The following CTDSPL2 variants were observed in gnomAD, a reference collection of about 807,000 sequenced individuals.
CTDSPL2 encodes the protein CTD small phosphatase-like protein 2.
Under a neutral mutation model 60.0 loss-of-function variants are expected in CTDSPL2, and 5 were observed. That is an observed-to-expected ratio of 0.08 (90% CI 0.04 to 0.18). The LOEUF is 0.18. Among genes scored for constraint, CTDSPL2 ranks in the 10% least tolerant of loss-of-function variants. The probability of loss-of-function intolerance (pLI) is 1.00; values close to 1 mark genes in which losing one functional copy is unlikely to be tolerated. For missense variants in CTDSPL2, 370 were observed against 548.8 expected, an observed-to-expected ratio of 0.67 and a Z score of 3.26; for synonymous variants, 186 against 189.3, an observed-to-expected ratio of 0.98 and a Z score of 0.14.
intron 1 of CTDSPL2, among the ~76,000 whole-genome samples, chr15:44,443,994 C>T (rs1052094582): frequency 1.3e-5 from 2 of 151,956 alleles, no homozygotes; most frequent in African/African-American, 2.4e-5. Flanking sequence ...TCTTGAACTC[C>T]TGAGTTCAAG....
chr15:44,518,368 AC>A (rs2081696375), intron 10 of CTDSPL2, among the ~76,000 whole-genome samples: 1 of 152,180 alleles, frequency 6.6e-6, no homozygotes, highest in Admixed American at 6.5e-5. Context: ...GTATTGTAAA[AC>A]CTTTAATAGC....
intron 2 of CTDSPL2, among the ~76,000 whole-genome samples, chr15:44,461,807 C>T (rs1377048076): frequency 6.6e-6 from 1 of 152,048 alleles, no homozygotes; most frequent in Non-Finnish European, 1.5e-5. Context: ...GGAAGTAGAG[C>T]ATCATAAAGG....
At chr15:44,448,831 G>A in intron 1 of CTDSPL2, 1 of 358,184 alleles carries the variant, frequency 2.8e-6, no homozygotes, top group South Asian at 2.3e-5. Context: ...CTTTGGTAAG[G>A]CGGTCTCATC....
At chr15:44,495,807 G>A (rs904265776) in intron 5 of CTDSPL2, among the ~76,000 whole-genome samples, 4 of 151,968 alleles carry the variant, frequency 2.6e-5, no homozygotes, top group African/African-American at 9.7e-5. Context: ...GGTGGCACGT[G>A]TCTAATCCCA....
intron 1 of CTDSPL2, among the ~76,000 whole-genome samples, chr15:44,444,813 C>CTGG (rs2080171391): frequency 1.5e-5 from 2 of 135,074 alleles, no homozygotes; most frequent in South Asian, 4.7e-4. Flanking sequence ...ACAGATAGGC[C>CTGG]TGGTGTTGAG....
intron 8 of CTDSPL2, among the ~76,000 whole-genome samples, chr15:44,505,735 CAAAAAAAAAA>C (rs34005065): frequency 2.7e-5 from 2 of 73,944 alleles, no homozygotes; most frequent in African/African-American, 1.0e-4. Context: ...CTCTGTCTCC[CAAAAAAAAAA>C]AAAAAGAAAA....
chr15:44,459,468 T>C (rs570383774), intron 2 of CTDSPL2, among the ~76,000 whole-genome samples: 3 of 152,106 alleles, frequency 2.0e-5, no homozygotes, highest in East Asian at 3.9e-4. Flanking sequence ...GCGGAGCCTG[T>C]AGTGAGCCGA....
In CTDSPL2 at chr15:44,521,660, C is replaced by T. The variant is rs372047163; in HGVS notation, c.1335+254C>T. Reference sequence around the variant, plus strand: ...AGCTCTTTAAAACATAATGATGGGCCGGGCGCGGTGGCTCACGCCTGTAAT... The same window carrying T: ...AGCTCTTTAAAACATAATGATGGGCTGGGCGCGGTGGCTCACGCCTGTAAT... On this transcript the variant is annotated intron_variant, in intron 12 of 12. Coordinates refer to ENST00000260327, the MANE Select transcript of CTDSPL2 (RefSeq NM_016396.3). Among the ~76,000 whole-genome samples the T allele has an allele frequency of 4.3e-4, 65 of 152,022 alleles. 1 individual carries two copies. In the East Asian group the frequency reaches 8.9e-3, roughly 21 times the overall value.
At chr15:44,493,888 G>C (rs1400576491) in intron 5 of CTDSPL2, among the ~76,000 whole-genome samples, 1 of 151,712 alleles carries the variant, frequency 6.6e-6, no homozygotes, top group Non-Finnish European at 1.5e-5. Context: ...TTTTTGTGCT[G>C]ATTATTGGAA....
intron 1 of CTDSPL2, among the ~76,000 whole-genome samples, chr15:44,443,812 T>A (rs1236258734): frequency 6.6e-6 from 1 of 152,214 alleles, no homozygotes; most frequent in Non-Finnish European, 1.5e-5. Context: ...GATAAGAACT[T>A]CTTAAGAGAC....
rs866712478 is a variant in CTDSPL2, at chr15:44,527,278, T to G, written c.*3104T>G. On this transcript the variant is annotated 3_prime_UTR_variant, in exon 13 of 13. Coordinates refer to ENST00000260327, the MANE Select transcript of CTDSPL2 (RefSeq NM_016396.3). ...TTGTATTTCTCTGGGTTGTTTTTTG[T>G]TTTTTTTTCCAAGGGTTAACATAGA... 2.7e-5 allele frequency: 4 copies of G among 145,652 alleles called. No homozygotes were observed. In the East Asian group the frequency reaches 6.4e-4, roughly 23 times the overall value. The allele number at this position is 145,652 out of a possible 1,614,324, so 9.0% of individuals were successfully genotyped here. A position where few individuals can be genotyped will look rare whatever the true frequency, so the allele number is the denominator to read the frequency against.
chr15:44,459,420 G>A (rs1005758044), intron 2 of CTDSPL2, among the ~76,000 whole-genome samples: 6 of 152,062 alleles, frequency 3.9e-5, no homozygotes, highest in Non-Finnish European at 7.4e-5. Context: ...CCAGCTACTC[G>A]GGAGGCTGAG....
In CTDSPL2 at chr15:44,444,343, A is replaced by G. The variant is rs1377293477; in HGVS notation, c.-24-14648A>G. Among the ~76,000 whole-genome samples the G allele has an allele frequency of 9.4e-5, 14 of 149,188 alleles. 1 individual carries two copies. The Admixed American group carries it at 9.4e-4, about 10-fold the overall frequency. ...CACACACACACACACACACACACAG[A>G]CACAGAGACACATTTTTTTGAGAAG... On this transcript the variant is annotated intron_variant, in intron 1 of 12. Coordinates refer to ENST00000260327, the MANE Select transcript of CTDSPL2 (RefSeq NM_016396.3).
At chr15:44,482,299 C>T (rs1403278634) in intron 2 of CTDSPL2, among the ~76,000 whole-genome samples, 2 of 152,196 alleles carry the variant, frequency 1.3e-5, no homozygotes, top group African/African-American at 4.8e-5. Flanking sequence ...CCAAGCCCAG[C>T]TCCAATCATT....
chr15:44,429,603 C>T (rs1392621110), intron 1 of CTDSPL2, among the ~76,000 whole-genome samples: 4 of 152,164 alleles, frequency 2.6e-5, no homozygotes, highest in African/African-American at 9.7e-5. Flanking sequence ...TGGGGTGGCT[C>T]ACGCCTGTAA....
In CTDSPL2 at chr15:44,484,382, C is replaced by T. The variant is rs764325446; in HGVS notation, c.325+20C>T. On this transcript the variant is annotated intron_variant, in intron 3 of 12. Transcript: ENST00000260327. Reference sequence around the variant, plus strand: ...ATGGAGGTTTGTTAATATTTAGATACTGTTTTATTTAGGTGTAAGCAGAGA... The same window carrying T: ...ATGGAGGTTTGTTAATATTTAGATATTGTTTTATTTAGGTGTAAGCAGAGA... 6.2e-7 allele frequency: 1 copy of T among 1,603,998 alleles called. No homozygotes were observed. The highest frequency in any genetic ancestry group is 8.5e-7 in the Non-Finnish European group (1 of 1,172,122).
intron 8 of CTDSPL2, among the ~76,000 whole-genome samples, chr15:44,501,769 G>C (rs1326310931): frequency 6.6e-6 from 1 of 152,160 alleles, no homozygotes; most frequent in Non-Finnish European, 1.5e-5. Flanking sequence ...CACAGACAGA[G>C]TTTAGTTACT....
chr15:44,521,997 C>A (rs1219958440), intron 12 of CTDSPL2, among the ~76,000 whole-genome samples: 2 of 138,136 alleles, frequency 1.4e-5, no homozygotes, highest in Non-Finnish European at 3.1e-5. Flanking sequence ...AGTCATCTGT[C>A]ATGGGAGATG....
chr15:44,435,611 T>G (rs1379823990), intron 1 of CTDSPL2, among the ~76,000 whole-genome samples: 6 of 150,332 alleles, frequency 4.0e-5, no homozygotes, highest in East Asian at 1.9e-4. Context: ...TAGAGTTGTT[T>G]TTTTTTTTTT....
Sources: allele counts gnomAD v4.1 joint callset (sites outside exome capture counted in the v4.1 genomes callset), GRCh38; gene constraint gnomAD v4.1.1; transcripts MANE v1.5; gene names NCBI Gene and HGNC (gene_info 2026-07-23, HGNC 2026-07-21).